The following NMNAT3 variants were observed in gnomAD, a reference collection of about 807,000 sequenced individuals.
NMNAT3 encodes nicotinamide/nicotinic acid mononucleotide adenylyltransferase 3.
Under a neutral mutation model 24.8 loss-of-function variants are expected in NMNAT3, and 21 were observed. The ratio of observed to expected loss-of-function variants is 0.85; its 90% CI spans 0.60 to 1.22. The LOEUF is 1.22. Among genes scored for constraint, NMNAT3 ranks in the 50% most tolerant of loss-of-function variants. The pLI is 0.00. For synonymous variants in NMNAT3, 136 were observed against 155.2 expected (o/e 0.88, Z 0.92); for missense variants, 387 against 436.6 (o/e 0.89, Z 1.01).
At chr3:139,569,456 G>A (rs996000088) in intron 6 of NMNAT3, 1 of 152,156 alleles carries the variant, frequency 6.6e-6, no homozygotes, top group Non-Finnish European at 1.5e-5. Flanking sequence ...TTTACAATTT[G>A]GCATGATTTT....
At chr3:139,630,416 G>A (rs559644986) in intron 2 of NMNAT3, among the ~76,000 whole-genome samples, 31 of 152,182 alleles carry the variant, frequency 2.0e-4, no homozygotes, top group Non-Finnish European at 3.4e-4. Flanking sequence ...CTGCTGAGAT[G>A]GCTTCTTTGA....
intron 3 of NMNAT3, among the ~76,000 whole-genome samples, chr3:139,594,138 C>T (rs578262693): frequency 5.3e-5 from 8 of 152,152 alleles, no homozygotes; most frequent in East Asian, 1.9e-4. Flanking sequence ...ATATCACCAC[C>T]GATCCTACAG....
At chr3:139,591,832 C>T (rs1486568298) in intron 3 of NMNAT3, among the ~76,000 whole-genome samples, 2 of 152,234 alleles carry the variant, frequency 1.3e-5, no homozygotes, top group Non-Finnish European at 2.9e-5. Flanking sequence ...TCACCATCAT[C>T]AAAGACCAAA....
At chr3:139,634,156 C>A (rs2056411141) in intron 2 of NMNAT3, among the ~76,000 whole-genome samples, 1 of 152,204 alleles carries the variant, frequency 6.6e-6, no homozygotes, top group Admixed American at 6.5e-5. Flanking sequence ...CACAGGCCGT[C>A]GCGGAGGCAC....
chr3:139,600,875 T>G (rs2054683081), intron 3 of NMNAT3, among the ~76,000 whole-genome samples: 1 of 152,156 alleles, frequency 6.6e-6, no homozygotes, highest in South Asian at 2.1e-4. Flanking sequence ...TTTGCAAGCC[T>G]CTGTCTCCCA....
chr3:139,561,529 G>A, intron 6 of NMNAT3, 137 bp from the exon 7 acceptor site: 1 of 774,410 alleles, frequency 1.3e-6, no homozygotes. Context: ...GACTTGAAAA[G>A]AAAAAGCATG....
intron 4 of NMNAT3, among the ~76,000 whole-genome samples, chr3:139,580,411 C>G (rs1305366278): frequency 3.3e-5 from 5 of 152,142 alleles, no homozygotes; most frequent in African/African-American, 1.2e-4. Context: ...CCATGAGCCA[C>G]CGTGCCCAGC....
chr3:139,672,236 C>T (rs370936927), intron 1 of NMNAT3, among the ~76,000 whole-genome samples: 9 of 152,262 alleles, frequency 5.9e-5, no homozygotes, highest in South Asian at 2.1e-4. Context: ...ACCTCATCCC[C>T]GGGCTCTGTC....
At chr3:139,608,950 A>G (rs2055068221) in intron 3 of NMNAT3, among the ~76,000 whole-genome samples, 1 of 152,170 alleles carries the variant, frequency 6.6e-6, no homozygotes, top group Non-Finnish European at 1.5e-5. Flanking sequence ...CCTTACTTAC[A>G]CAATTTTATC....
chr3:139,571,700 C>G (rs1050245852), intron 6 of NMNAT3, among the ~76,000 whole-genome samples: 1 of 152,030 alleles, frequency 6.6e-6, no homozygotes, highest in Non-Finnish European at 1.5e-5. Context: ...TTAATGAGAG[C>G]AGCTGGGGCT....
chr3:139,586,753 C>T (rs984041111), intron 3 of NMNAT3, among the ~76,000 whole-genome samples: 2 of 151,926 alleles, frequency 1.3e-5, no homozygotes, highest in African/African-American at 4.8e-5. Flanking sequence ...ACCAGAAAAC[C>T]CGGGGAATCA....
At chr3:139,662,079 A>T (rs2057433228) in intron 1 of NMNAT3, among the ~76,000 whole-genome samples, 1 of 152,148 alleles carries the variant, frequency 6.6e-6, no homozygotes, top group Non-Finnish European at 1.5e-5. Context: ...CCACAAGTGC[A>T]CCAGGATGGG....
intron 3 of NMNAT3, among the ~76,000 whole-genome samples, chr3:139,607,197 T>A (rs938996789): frequency 1.3e-5 from 2 of 151,954 alleles, no homozygotes; most frequent in Non-Finnish European, 2.9e-5. Context: ...TCCTCAAATG[T>A]GTACACACAC....
intron 3 of NMNAT3, among the ~76,000 whole-genome samples, chr3:139,595,712 A>T (rs554314131): frequency 0.081 from 12,263 of 152,170 alleles, 1,078 homozygotes; most frequent in East Asian, 0.37. Flanking sequence ...CAATGGGGAA[A>T]GGATTCCCTA....
At chr3:139,577,049 T>G (rs1481113878) in intron 5 of NMNAT3, among the ~76,000 whole-genome samples, 1 of 151,758 alleles carries the variant, frequency 6.6e-6, no homozygotes. Context: ...AGAGCTTAAT[T>G]AATAAACTTG....
chr3:139,661,962 G>A (rs1371977810), intron 1 of NMNAT3, among the ~76,000 whole-genome samples: 2 of 151,120 alleles, frequency 1.3e-5, no homozygotes, highest in Non-Finnish European at 2.9e-5. Context: ...TTTTTTTTTA[G>A]AAAAATAAAA....
chr3:139,611,891 G>A (rs2055233077), intron 3 of NMNAT3, among the ~76,000 whole-genome samples: 1 of 152,228 alleles, frequency 6.6e-6, no homozygotes, highest in African/African-American at 2.4e-5. Context: ...AGGGGGGCTG[G>A]ACGTGGTTGC....
chr3:139,640,012 G>T (rs888184369), intron 1 of NMNAT3, among the ~76,000 whole-genome samples: 15 of 152,334 alleles, frequency 9.8e-5, no homozygotes, highest in Middle Eastern at 3.4e-3. Context: ...CATGGCCACA[G>T]TCCAGCTGTC....
chr3:139,663,817 G>A (rs2057494838), intron 1 of NMNAT3, among the ~76,000 whole-genome samples: 1 of 152,150 alleles, frequency 6.6e-6, no homozygotes, highest in Admixed American at 6.5e-5. Flanking sequence ...GTAGACTTAT[G>A]GTCACAGCAC....
Sources: gnomAD v4.1 joint callset for allele counts (sites outside exome capture counted in the v4.1 genomes callset) on GRCh38, gnomAD v4.1.1 for gene constraint, MANE v1.5 for transcripts, NCBI Gene and HGNC (gene_info 2026-07-23, HGNC 2026-07-21) for gene names.